The following TBC1D5 variants were observed in gnomAD, a reference collection of about 807,000 sequenced individuals.
TBC1D5 encodes the protein TBC1 domain family member 5.
Under a neutral mutation model 100.3 loss-of-function variants are expected in TBC1D5, and 75 were observed. That is an observed-to-expected ratio of 0.75 (90% CI 0.62 to 0.91). The LOEUF is 0.91. Ranked by LOEUF, TBC1D5 falls within the 40% of genes least tolerant of loss-of-function variation. The pLI is 0.00. For synonymous variants in TBC1D5, 323 were observed against 325.6 expected (o/e 0.99, Z 0.09); for missense variants, 910 against 942.4 (o/e 0.97, Z 0.45).
intron 1 of TBC1D5, among the ~76,000 whole-genome samples, chr3:17,630,792 T>G (rs2063423959): frequency 6.6e-6 from 1 of 151,480 alleles, no homozygotes; most frequent in African/African-American, 2.4e-5. Flanking sequence ...TCCCAGCACT[T>G]TGGGAGGCTG....
At position 17,241,816 on chromosome 3, in the gene TBC1D5, A is replaced by T. The variant is rs149591024; in HGVS notation, c.1332-3397T>A. ...GTGTTAATTCATGCCATCATACTGC[A>T]TGGGCATCTACAGGACAAAGTTGCA... On this transcript the variant is annotated intron_variant, in intron 16 of 21. Coordinates refer to ENST00000253692, the Ensembl canonical transcript of TBC1D5. 7.2e-3 allele frequency among the ~76,000 whole-genome samples: 1,090 copies of T among 152,350 alleles called. 8 individuals carry two copies. Among genetic ancestry groups the T allele is most frequent in the Middle Eastern group, 0.017 (5 of 294 alleles).
chr3:17,739,340 T>TA (rs1243052012), intron 1 of TBC1D5: 5 of 152,226 alleles, frequency 3.3e-5, no homozygotes, highest in African/African-American at 1.2e-4. Context: ...TTATTCAACT[T>TA]ACTTTTATTC....
chr3:17,684,482 G>A (rs2069965929), intron 1 of TBC1D5, among the ~76,000 whole-genome samples: 1 of 151,994 alleles, frequency 6.6e-6, no homozygotes, highest in Admixed American at 6.6e-5. Context: ...CTAATTCACT[G>A]CAAGCAAACA....
intron 2 of TBC1D5, among the ~76,000 whole-genome samples, chr3:17,551,728 G>A (rs2096475422): frequency 6.6e-6 from 1 of 152,066 alleles, no homozygotes; most frequent in South Asian, 2.1e-4. Context: ...ACTCCAGTGG[G>A]CCATTGTTCT....
intron 17 of TBC1D5, among the ~76,000 whole-genome samples, chr3:17,234,707 C>CATTTATGAT (rs1167456110): frequency 6.6e-6 from 1 of 152,112 alleles, no homozygotes; most frequent in African/African-American, 2.4e-5. Context: ...TATGCATGAT[C>CATTTATGAT]ATTTATGATT....
At chr3:17,284,917 A>G (rs1356596291) in intron 15 of TBC1D5, among the ~76,000 whole-genome samples, 11 of 152,224 alleles carry the variant, frequency 7.2e-5, no homozygotes, top group Non-Finnish European at 7.3e-5. Flanking sequence ...GTTGTGATCT[A>G]GTGATAGAAA....
intron 3 of TBC1D5, among the ~76,000 whole-genome samples, chr3:17,463,943 CTTTTTTTTTTTTTTTTTT>C (rs1025162858): frequency 2.3e-5 from 2 of 87,512 alleles, no homozygotes; most frequent in Admixed American, 1.4e-4. Context: ...TTCCTTATTC[CTTTTTTTTTTTTTTTTTT>C]TTTTTTTGAG....
At chr3:17,294,623 C>A (rs984914147) in intron 14 of TBC1D5, among the ~76,000 whole-genome samples, 9 of 152,194 alleles carry the variant, frequency 5.9e-5, no homozygotes, top group African/African-American at 2.2e-4. Flanking sequence ...AGCTAACATT[C>A]TTTCATCTTT....
At chr3:17,170,918 G>A (rs1380402708) in intron 19 of TBC1D5, among the ~76,000 whole-genome samples, 1 of 152,194 alleles carries the variant, frequency 6.6e-6, no homozygotes, top group East Asian at 1.9e-4. Context: ...GCAAGTTCAA[G>A]CCCTTTGATT....
At chr3:17,168,374 T>C (rs944966159) in intron 19 of TBC1D5, among the ~76,000 whole-genome samples, 7 of 152,206 alleles carry the variant, frequency 4.6e-5, no homozygotes, top group Non-Finnish European at 8.8e-5. Context: ...ACAATGTCTA[T>C]GGAGTCTCCT....
intron 2 of TBC1D5, among the ~76,000 whole-genome samples, chr3:17,571,090 A>T (rs1266139415): frequency 6.6e-6 from 1 of 152,010 alleles, no homozygotes; most frequent in African/African-American, 2.4e-5. Context: ...CTTAGGCTAT[A>T]AGAGAAATTG....
intron 13 of TBC1D5, among the ~76,000 whole-genome samples, chr3:17,312,092 A>G (rs2084093664): frequency 6.6e-6 from 1 of 152,146 alleles, no homozygotes; most frequent in Admixed American, 6.6e-5. Context: ...CTTTGTATTC[A>G]GTTCTTTTGA....
At chr3:17,604,015 A>G (rs954756457) in intron 2 of TBC1D5, among the ~76,000 whole-genome samples, 1 of 152,142 alleles carries the variant, frequency 6.6e-6, no homozygotes, top group Non-Finnish European at 1.5e-5. Flanking sequence ...TCCTTCCTTC[A>G]TGAAGCCAAG....
chr3:17,388,651 C>A (rs529337774), intron 8 of TBC1D5, among the ~76,000 whole-genome samples: 2 of 149,362 alleles, frequency 1.3e-5, no homozygotes, highest in Non-Finnish European at 3.0e-5. Context: ...GGGTTTGAGA[C>A]CAGCTTGGGC....
At position 17,536,809 on chromosome 3, in the gene TBC1D5, T is replaced by C. The variant is rs1427689475; in HGVS notation, c.-35-28204A>G. Among the ~76,000 whole-genome samples, 7 of 152,216 alleles carry C rather than the reference T, an allele frequency of 4.6e-5. No homozygotes were observed. The East Asian group carries it at 9.6e-4, about 21-fold the overall frequency. On this transcript the variant is annotated intron_variant, in intron 2 of 21. Coordinates refer to ENST00000253692, the Ensembl canonical transcript of TBC1D5. The stretch of plus-strand genomic sequence containing the variant: ...TTACAGAATGGTTTTAGGGATTCTT[T>C]AGGTGGCAGCTGGTTGAGAGAGTTA...
chr3:17,438,959 T>G (rs1301731565), intron 3 of TBC1D5, among the ~76,000 whole-genome samples: 1 of 152,082 alleles, frequency 6.6e-6, no homozygotes, highest in Non-Finnish European at 1.5e-5. Flanking sequence ...TACATATTAT[T>G]TACTATATAA....
chr3:17,379,163 A>T (rs528667076), intron 9 of TBC1D5, among the ~76,000 whole-genome samples: 53 of 151,668 alleles, frequency 3.5e-4, no homozygotes, highest in Non-Finnish European at 6.8e-4. Context: ...CATGTAGGTT[A>T]CATAAAATGG....
intron 15 of TBC1D5, among the ~76,000 whole-genome samples, chr3:17,260,270 T>C (rs569464135): frequency 6.6e-6 from 1 of 152,200 alleles, no homozygotes; most frequent in Non-Finnish European, 1.5e-5. Context: ...TTTCTCTGAC[T>C]TCCAACAAAC....
chr3:17,246,470 G>T (rs1229970413), intron 16 of TBC1D5, among the ~76,000 whole-genome samples: 1 of 151,890 alleles, frequency 6.6e-6, no homozygotes, highest in Non-Finnish European at 1.5e-5. Context: ...AATAGTGAAA[G>T]TAATAAAAAA....
Sources: allele counts gnomAD v4.1 joint callset (sites outside exome capture counted in the v4.1 genomes callset), GRCh38; gene constraint gnomAD v4.1.1; transcripts MANE v1.5; gene names NCBI Gene and HGNC (gene_info 2026-07-23, HGNC 2026-07-21).